Variants in TNFAIP8 observed in about 807,000 individuals in gnomAD.
TNFAIP8 encodes the protein TNF alpha induced protein 8.
A neutral mutation model predicts 13.3 loss-of-function variants in TNFAIP8; 7 were observed. The ratio of observed to expected loss-of-function variants is 0.52; its 90% confidence interval spans 0.30 to 0.99. TNFAIP8 has a LOEUF of 0.99. Among genes scored for constraint, TNFAIP8 ranks in the 50% least tolerant of loss-of-function variants. The pLI, the probability that TNFAIP8 is intolerant of heterozygous loss-of-function variation, is 0.07. For missense variants in TNFAIP8, 258 were observed against 236.9 expected (o/e 1.09, Z -0.58); for synonymous variants, 94 against 87.6 (o/e 1.07, Z -0.41).
intron 1 of TNFAIP8, chr5:119,333,526 C>T: frequency 6.5e-7 from 1 of 1,532,748 alleles, no homozygotes; most frequent in Non-Finnish European, 8.7e-7. Context: ...CCATAGTGTA[C>T]ACGTCAACAG....
upstream of TNFAIP8, chr5:119,355,604 A>G (rs1427865875): frequency 7.1e-6 from 4 of 561,940 alleles, no homozygotes. Flanking sequence ...TGTAATCCAA[A>G]AATACAGAGG....
intron 1 of TNFAIP8, among the ~76,000 whole-genome samples, chr5:119,280,401 A>AT (rs57981064): frequency 3.4e-4 from 51 of 149,124 alleles, no homozygotes; most frequent in Middle Eastern, 3.4e-3. Context: ...CTTCCTTTAA[A>AT]TTTTTTTTTT....
At chr5:119,313,568 T>TTGC in intron 1 of TNFAIP8, among the ~76,000 whole-genome samples, 1 of 152,340 alleles carries the variant, frequency 6.6e-6, no homozygotes, top group South Asian at 2.1e-4. Context: ...AGATATGCAT[T>TTGC]TGCTAAAGTT....
At chr5:119,380,022 T>G (rs1302288376) in intron 1 of TNFAIP8, among the ~76,000 whole-genome samples, 2 of 152,200 alleles carry the variant, frequency 1.3e-5, no homozygotes, top group Non-Finnish European at 2.9e-5. Flanking sequence ...ATGAACATTA[T>G]CCTAATTTCA....
intron 1 of TNFAIP8, among the ~76,000 whole-genome samples, chr5:119,333,933 G>A (rs543659610): frequency 6.6e-6 from 1 of 152,176 alleles, no homozygotes; most frequent in South Asian, 2.1e-4. Flanking sequence ...TCAGAGATGG[G>A]ACTCTGAAAA....
chr5:119,389,696 A>G (rs957411188), intron 1 of TNFAIP8, among the ~76,000 whole-genome samples: 1 of 152,214 alleles, frequency 6.6e-6, no homozygotes, highest in Non-Finnish European at 1.5e-5. Flanking sequence ...AGGGGGAGAA[A>G]GAGCTTCAGA....
intron 1 of TNFAIP8, among the ~76,000 whole-genome samples, chr5:119,271,271 G>A (rs774379414): frequency 1.1e-4 from 17 of 152,220 alleles, no homozygotes; most frequent in Non-Finnish European, 2.2e-4. Context: ...TGGGGGAGGA[G>A]TGGATTTCTA....
intron 1 of TNFAIP8, among the ~76,000 whole-genome samples, chr5:119,339,965 A>G (rs181818996): frequency 9.0e-4 from 137 of 152,344 alleles, no homozygotes; most frequent in African/African-American, 3.1e-3. Context: ...AAATGGGGCA[A>G]TCAGTCATAG....
chr5:119,324,062 TA>T (rs1381972367), intron 1 of TNFAIP8, among the ~76,000 whole-genome samples: 12 of 151,858 alleles, frequency 7.9e-5, no homozygotes, highest in African/African-American at 1.2e-4. Context: ...GAATAGAGAA[TA>T]TTTTTTTCCT....
At chr5:119,389,095 T>C (rs1174777080) in intron 1 of TNFAIP8, among the ~76,000 whole-genome samples, 1 of 152,112 alleles carries the variant, frequency 6.6e-6, no homozygotes, top group Non-Finnish European at 1.5e-5. Flanking sequence ...AACTTAATAA[T>C]GGACTGGGTG....
chr5:119,326,020 T>C (rs1750214217), intron 1 of TNFAIP8, among the ~76,000 whole-genome samples: 1 of 152,258 alleles, frequency 6.6e-6, no homozygotes, highest in Non-Finnish European at 1.5e-5. Flanking sequence ...CTTACTGGTC[T>C]GCTGCCGCTT....
chr5:119,388,129 A>G (rs1354834301), intron 1 of TNFAIP8, among the ~76,000 whole-genome samples: 1 of 152,132 alleles, frequency 6.6e-6, no homozygotes, highest in Non-Finnish European at 1.5e-5. Flanking sequence ...GCTACAGTTC[A>G]AGTCAGAACT....
intron 1 of TNFAIP8, among the ~76,000 whole-genome samples, chr5:119,363,380 C>A (rs1751704944): frequency 6.6e-6 from 1 of 152,180 alleles, no homozygotes; most frequent in African/African-American, 2.4e-5. Flanking sequence ...GAGGTGACTG[C>A]CCTGCCAAGA....
chr5:119,394,324 A>T lies in TNFAIP8; in HGVS notation c.*943A>T, dbSNP rs1345548631. ...AAATACTGCTAAAGAACATGAGCAT[A>T]AAAATGCGTGCGTTTCAGTGTTTAA... On this transcript the variant is annotated 3_prime_UTR_variant, in exon 2 of 2. Coordinates refer to ENST00000504771, the MANE Select transcript of TNFAIP8 (RefSeq NM_014350.4). 6.6e-6 allele frequency: 1 copy of T among 152,238 alleles called. No individual in the cohort carries two copies. The highest frequency in any genetic ancestry group is 6.5e-5 in the Admixed American group (1 of 15,286). 9.4% of individuals were successfully genotyped at this position (152,238 alleles called of 1,614,324 possible). A position where few individuals can be genotyped will look rare whatever the true frequency, so the allele number is the denominator to read the frequency against.
chr5:119,279,799 A>G (rs1187449692), intron 1 of TNFAIP8, among the ~76,000 whole-genome samples: 1 of 152,218 alleles, frequency 6.6e-6, no homozygotes, highest in Non-Finnish European at 1.5e-5. Flanking sequence ...GGAGCATGTC[A>G]TTTGTTATAT....
At chr5:119,325,984 C>T (rs2112697623) in intron 1 of TNFAIP8, among the ~76,000 whole-genome samples, 1 of 152,348 alleles carries the variant, frequency 6.6e-6, no homozygotes, top group East Asian at 1.9e-4. Context: ...GCACCTTTCA[C>T]AATCCGTCCT....
chr5:119,381,216 A>G (rs561246710), intron 1 of TNFAIP8, among the ~76,000 whole-genome samples: 13 of 152,282 alleles, frequency 8.5e-5, no homozygotes, highest in South Asian at 6.2e-4. Flanking sequence ...TGCTATATCT[A>G]TCCTCTCCCT....
intron 1 of TNFAIP8, among the ~76,000 whole-genome samples, chr5:119,302,435 G>T (rs1298276861): frequency 6.6e-6 from 1 of 152,106 alleles, no homozygotes; most frequent in Non-Finnish European, 1.5e-5. Flanking sequence ...TCTGCTTCTA[G>T]TATGTTTTCA....
In TNFAIP8 at chr5:119,393,891, C is replaced by G. The variant is rs1416793550; in HGVS notation, c.*510C>G. ...TTGTTAAGATTGAGTCATCGACATT[C>G]AGGATTTAAGTCTGAGGTAGTCAAC... On this transcript the variant is annotated 3_prime_UTR_variant, in exon 2 of 2. Coordinates refer to ENST00000504771, the MANE Select transcript of TNFAIP8 (RefSeq NM_014350.4). The G allele has an allele frequency of 6.5e-6, 1 of 154,464 alleles. No individual in the cohort carries two copies. Among genetic ancestry groups the G allele is most frequent in the Non-Finnish European group, 1.4e-5 (1 of 69,602 alleles). The allele number at this position is 154,464 out of a possible 1,614,324, so 9.6% of individuals were successfully genotyped here.
Sources: allele counts gnomAD v4.1 joint callset (sites outside exome capture counted in the v4.1 genomes callset), GRCh38; gene constraint gnomAD v4.1.1; transcripts MANE v1.5; gene names NCBI Gene and HGNC (gene_info 2026-07-23, HGNC 2026-07-21).